Variants in BCL2 observed in about 807,000 individuals in gnomAD.
BCL2 encodes apoptosis regulator Bcl-2.
BCL2 carries 1 observed loss-of-function variant against 14.2 expected under a neutral mutation model. That is an observed-to-expected ratio of 0.07 (90% CI 0.02 to 0.33). The LOEUF (loss-of-function observed/expected upper bound fraction) is 0.33, where lower values mean the gene tolerates loss of function less well. Among genes scored for constraint, BCL2 ranks in the 10% least tolerant of loss-of-function variants. The probability of loss-of-function intolerance (pLI) is 0.99; values close to 1 mark genes in which losing one functional copy is unlikely to be tolerated. For synonymous variants in BCL2, 151 were observed against 137.2 expected, an observed-to-expected ratio of 1.10 and a Z score of -0.70; for missense variants, 247 against 305.9, an observed-to-expected ratio of 0.81 and a Z score of 1.44.
chr18:63,258,841 G>C (rs1911564732), intron 2 of BCL2, among the ~76,000 whole-genome samples: 1 of 152,224 alleles, frequency 6.6e-6, no homozygotes, highest in Non-Finnish European at 1.5e-5. Flanking sequence ...CGATGATGGT[G>C]ATTTTCTCTA....
intron 2 of BCL2, among the ~76,000 whole-genome samples, chr18:63,241,156 C>T (rs1258330567): frequency 6.6e-6 from 1 of 152,250 alleles, no homozygotes; most frequent in Non-Finnish European, 1.5e-5. Flanking sequence ...ATTTGGCCCA[C>T]AGGCCATAGC....
intron 2 of BCL2, among the ~76,000 whole-genome samples, chr18:63,242,666 A>G (rs1911041563): frequency 6.6e-6 from 1 of 152,110 alleles, no homozygotes; most frequent in African/African-American, 2.4e-5. Flanking sequence ...CTGCCACAAA[A>G]CAAGGAGGGC....
In BCL2 at chr18:63,193,280, G is replaced by A. The variant is rs1368367828; in HGVS notation, c.586-64521C>T. Among the ~76,000 whole-genome samples the A allele has an allele frequency of 5.3e-5, 8 of 152,106 alleles. No homozygotes were observed. In the South Asian group the frequency reaches 1.5e-3, roughly 28 times the overall value. On this transcript the variant is annotated intron_variant, in intron 2 of 2. Transcript: ENST00000333681. Reference sequence around the variant, plus strand: ...ACATTTCAAATGATGTTTTAAACATGTCCATTAAAGTGACATTTGTGTGTG... The same window carrying A: ...ACATTTCAAATGATGTTTTAAACATATCCATTAAAGTGACATTTGTGTGTG...
In BCL2 at chr18:63,318,314, T is replaced by C. The variant is rs759928495; in HGVS notation, c.353A>G (p.Gln118Arg). The change falls in exon 2 of 3, where the codon CAG becomes CGG. Residue 118 changes from glutamine to arginine, a missense_variant. By Grantham distance (43) the Gln-to-Arg change is conservative (BLOSUM62 1). Transcript: ENST00000333681. This position sits in a 1 kb window ranked among gnomAD's most constrained non-coding sequence, Gnocchi z 7.4. Reference protein sequence around the residue: ...YRRDFAEMSSQLHLTPFTARG... With the variant: ...YRRDFAEMSSRLHLTPFTARG... The stretch of plus-strand genomic sequence containing the variant: ...CGCGGTGAAGGGCGTCAGGTGCAGC[T>C]GGCTGGACATCTCGGCGAAGTCGCG... 1.9e-6 allele frequency: 3 copies of C among 1,613,810 alleles called. No homozygotes were observed. Among genetic ancestry groups the C allele is most frequent in the East Asian group, 2.2e-5 (1 of 44,878 alleles).
chr18:63,292,864 C>A (rs977401710), intron 2 of BCL2, among the ~76,000 whole-genome samples: 1 of 152,248 alleles, frequency 6.6e-6, no homozygotes, highest in Non-Finnish European at 1.5e-5. Flanking sequence ...CTGCCAACTG[C>A]AGTAGGCACG....
chr18:63,306,811 C>G (rs889989600), intron 2 of BCL2, among the ~76,000 whole-genome samples: 1 of 150,546 alleles, frequency 6.6e-6, no homozygotes, highest in Non-Finnish European at 1.5e-5. Context: ...CATTTGTAAA[C>G]TTTCTTAAAA....
At chr18:63,265,624 A>C (rs1911803825) in intron 2 of BCL2, among the ~76,000 whole-genome samples, 1 of 152,196 alleles carries the variant, frequency 6.6e-6, no homozygotes, top group Non-Finnish European at 1.5e-5. Flanking sequence ...AAGAAAAAAA[A>C]CTGATAAATC....
rs145779306 is a variant in BCL2 at position 63,169,248 on chromosome 18, TTTTCTTTC to T, written c.586-40497_586-40490del. ...ACAGAATAGTTTTTCCCCTTCGTGT[TTTTCTTTC>T]TTTCTTTCTTTCTTTCTTTCTTTCT... On this transcript the variant is annotated intron_variant, in intron 2 of 2. Coordinates refer to ENST00000333681, the MANE Select transcript of BCL2 (RefSeq NM_000633.3). 3.7e-3 allele frequency among the ~76,000 whole-genome samples: 399 copies of T among 108,244 alleles called. 13 individuals carry two copies. The highest frequency in any genetic ancestry group is 4.7e-3 in the Non-Finnish European group (247 of 52,442). 71.0% of individuals were successfully genotyped at this position (108,244 alleles called of 152,430 possible). A position where few individuals can be genotyped will look rare whatever the true frequency, so the allele number is the denominator to read the frequency against.
chr18:63,262,062 G>A (rs1217112206), intron 2 of BCL2, among the ~76,000 whole-genome samples: 1 of 150,116 alleles, frequency 6.7e-6, no homozygotes, highest in Admixed American at 6.7e-5. Flanking sequence ...TTACAGGCAT[G>A]AGCCACTGCG....
chr18:63,185,787 C>T (rs548832553), intron 2 of BCL2, among the ~76,000 whole-genome samples: 15 of 152,336 alleles, frequency 9.8e-5, no homozygotes, highest in Non-Finnish European at 1.2e-4. Context: ...GGTTAAGTAA[C>T]TTGCCCAAAG....
At chr18:63,143,636 C>A (rs1185933334) in intron 2 of BCL2, among the ~76,000 whole-genome samples, 6 of 152,262 alleles carry the variant, frequency 3.9e-5, no homozygotes. Context: ...GGCTGCATTG[C>A]AAATGGAATT....
intron 2 of BCL2, among the ~76,000 whole-genome samples, chr18:63,179,545 G>C (rs1204718430): frequency 7.3e-6 from 1 of 137,772 alleles, no homozygotes; most frequent in Non-Finnish European, 1.5e-5. Flanking sequence ...CGATACCAAA[G>C]GAGTTCTAAT....
intron 2 of BCL2, among the ~76,000 whole-genome samples, chr18:63,271,042 G>A (rs142544832): frequency 0.013 from 1,911 of 152,202 alleles, 20 homozygotes; most frequent in Non-Finnish European, 0.02. Context: ...GAATGGTCTC[G>A]AACTCCTGGC....
chr18:63,218,751 C>CACTCATCCTCATCCTCT (rs1910292324), intron 2 of BCL2, among the ~76,000 whole-genome samples: 2 of 33,768 alleles, frequency 5.9e-5, no homozygotes, highest in Non-Finnish European at 5.6e-5. Context: ...CTCCATCCTC[C>CACTCATCCTCATCCTCT]ACTCATCCCC....
chr18:63,284,796 G>A (rs950806838), intron 2 of BCL2, among the ~76,000 whole-genome samples: 1 of 151,016 alleles, frequency 6.6e-6, no homozygotes, highest in African/African-American at 2.4e-5. Context: ...CCAGGGGTGG[G>A]GGGTTTGGAC....
intron 2 of BCL2, among the ~76,000 whole-genome samples, chr18:63,260,613 C>T (rs1052573272): frequency 6.6e-6 from 1 of 152,060 alleles, no homozygotes; most frequent in Non-Finnish European, 1.5e-5. Context: ...AACCCAACTT[C>T]TTAAGGGTCA....
intron 2 of BCL2, among the ~76,000 whole-genome samples, chr18:63,144,137 A>G (rs1004084378): frequency 1.3e-5 from 2 of 152,230 alleles, no homozygotes; most frequent in Non-Finnish European, 2.9e-5. Context: ...CATGTTTTTC[A>G]TAGTATAATT....
chr18:63,258,512 A>T (rs1005420814), intron 2 of BCL2, among the ~76,000 whole-genome samples: 1 of 152,164 alleles, frequency 6.6e-6, no homozygotes, highest in East Asian at 1.9e-4. Context: ...CACAGATGTC[A>T]CTCTGATCAT....
chr18:63,291,802 A>G (rs1452932686), intron 2 of BCL2, among the ~76,000 whole-genome samples: 1 of 152,050 alleles, frequency 6.6e-6, no homozygotes, highest in Non-Finnish European at 1.5e-5. Context: ...TTGTGTTGGA[A>G]AGATAATCTT....
Sources: gnomAD v4.1 joint callset for allele counts (sites outside exome capture counted in the v4.1 genomes callset) on GRCh38, gnomAD v4.1.1 for gene constraint, Gnocchi (gnomAD v3.1) non-coding constraint, MANE v1.5 for transcripts, NCBI Gene and HGNC (gene_info 2026-07-23, HGNC 2026-07-21) for gene names.